VWA8: variants seen among roughly 807,000 people sequenced by gnomAD.
The protein encoded by VWA8 is von Willebrand factor A domain containing 8.
Under a neutral mutation model 241.5 loss-of-function variants are expected in VWA8, and 221 were observed. The observed-to-expected ratio is 0.91, with a 90% CI of 0.82 to 1.02. VWA8 has a LOEUF of 1.02. VWA8 is among the 50% of genes least tolerant of loss of function. The pLI is 0.00. For synonymous variants in VWA8, 852 were observed against 827.1 expected (o/e 1.03, Z -0.52); for missense variants, 2,322 against 2,328.7 (o/e 1.00, Z 0.06).
At chr13:41,737,335 C>T (rs2045533695) in intron 21 of VWA8, among the ~76,000 whole-genome samples, 1 of 152,030 alleles carries the variant, frequency 6.6e-6, no homozygotes, top group Non-Finnish European at 1.5e-5. Flanking sequence ...ATAAAGAGGA[C>T]TAAAAAGAAT....
chr13:41,929,247 C>A (rs921204469), intron 2 of VWA8, among the ~76,000 whole-genome samples: 5 of 151,560 alleles, frequency 3.3e-5, no homozygotes, highest in Non-Finnish European at 7.4e-5. Context: ...TCTCAACCTC[C>A]CAGGCTTAAG....
In VWA8 at chr13:41,830,647, CAAGAT is replaced by C; in HGVS notation, c.1587-10_1587-6del. ...AGCTCTCGATCATGGATTAACCTAA[CAAGAT>C]AAGAAAAAAGCCCGAAAATAAATTA... On this transcript the variant is annotated splice_polypyrimidine_tract_variant and splice_region_variant and intron_variant, in intron 13 of 44. Transcript: ENST00000379310. 6.2e-7 allele frequency: 1 copy of C among 1,608,456 alleles called. No individual in the cohort carries two copies. The highest frequency in any genetic ancestry group is 8.5e-7 in the Non-Finnish European group (1 of 1,177,756).
chr13:41,876,884 T>TTC (rs1873924134), intron 9 of VWA8, among the ~76,000 whole-genome samples: 1 of 151,966 alleles, frequency 6.6e-6, no homozygotes, highest in African/African-American at 2.4e-5. Context: ...AATATGAAGG[T>TTC]TCTTTCCCTA....
chr13:41,861,305 AT>A (rs1291231257), intron 12 of VWA8, among the ~76,000 whole-genome samples: 3 of 152,326 alleles, frequency 2.0e-5, no homozygotes, highest in East Asian at 3.9e-4. Flanking sequence ...AATTAAAAAA[AT>A]AAAAGCTCAA....
chr13:41,790,147 G>T lies in VWA8; in HGVS notation c.2064-2604C>A, dbSNP rs1869389687. Reference sequence around the variant, plus strand: ...GAATGAACAGAAAAGCCTAAAGAAGGTCTCAATTTTTTAAATTATAACACC... The same window carrying T: ...GAATGAACAGAAAAGCCTAAAGAAGTTCTCAATTTTTTAAATTATAACACC... On this transcript the variant is annotated intron_variant, in intron 17 of 44. Transcript: ENST00000379310. Among the ~76,000 whole-genome samples, 3 of 152,028 alleles carry T rather than the reference G, an allele frequency of 2.0e-5. No individual in the cohort carries two copies. The South Asian group carries it at 6.2e-4, about 32-fold the overall frequency.
At position 41,926,415 on chromosome 13, in the gene VWA8, C is replaced by T. The variant is rs891297081; in HGVS notation, c.242-14247G>A. The T allele has an allele frequency of 5.0e-5, 27 of 535,036 alleles. 1 individual carries two copies. Among genetic ancestry groups the T allele is most frequent in the South Asian group, 3.0e-4 (20 of 65,644 alleles). The allele number at this position is 535,036 out of a possible 1,614,324, so 33.1% of individuals were successfully genotyped here. On this transcript the variant is annotated intron_variant, in intron 2 of 44. Coordinates refer to ENST00000379310, the MANE Select transcript of VWA8 (RefSeq NM_015058.2). ...TGAAACTCCCATGGTGAACATCATC[C>T]CGGGGGAGCTGTGGCCAAGCTTTTC...
chr13:41,617,944 G>T (rs961603690), intron 37 of VWA8, among the ~76,000 whole-genome samples: 12 of 152,016 alleles, frequency 7.9e-5, no homozygotes, highest in Non-Finnish European at 1.3e-4. Context: ...ACATACGTGT[G>T]CATGTGTCTT....
chr13:41,699,792 G>C (rs1485948777), intron 28 of VWA8, among the ~76,000 whole-genome samples: 2 of 152,074 alleles, frequency 1.3e-5, no homozygotes. Context: ...TCATATTTGA[G>C]TATTTCTTAC....
intron 9 of VWA8, among the ~76,000 whole-genome samples, chr13:41,868,941 C>A (rs9532942): frequency 6.9e-5 from 10 of 143,954 alleles, no homozygotes; most frequent in South Asian, 2.1e-4. Context: ...AAAAAGTTAA[C>A]GAAAATTTTT....
At chr13:41,764,065 C>A (rs556141162) in intron 20 of VWA8, among the ~76,000 whole-genome samples, 2 of 152,152 alleles carry the variant, frequency 1.3e-5, no homozygotes, top group African/African-American at 2.4e-5. Context: ...TATTCTTAAC[C>A]GTCAACTGAA....
intron 13 of VWA8, among the ~76,000 whole-genome samples, chr13:41,831,741 T>C (rs1370923326): frequency 2.0e-5 from 3 of 148,728 alleles, no homozygotes; most frequent in African/African-American, 7.5e-5. Flanking sequence ...TGCCTTAGCC[T>C]CCTGAGTAGC....
At chr13:41,793,274 TAAG>T (rs1340320346) in intron 17 of VWA8, among the ~76,000 whole-genome samples, 1 of 152,274 alleles carries the variant, frequency 6.6e-6, no homozygotes, top group South Asian at 2.1e-4. Context: ...CCTCAACTAA[TAAG>T]AAGATGAATT....
chr13:41,784,729 T>TATATATATATATATATACAC (rs772522331), intron 18 of VWA8, among the ~76,000 whole-genome samples: 9 of 60,094 alleles, frequency 1.5e-4, no homozygotes, highest in African/African-American at 3.3e-4. Flanking sequence ...TATATATATA[T>TATATATATATATATATACAC]ACACACACAT....
intron 4 of VWA8, among the ~76,000 whole-genome samples, chr13:41,903,487 A>G (rs767281560): frequency 1.3e-5 from 2 of 152,184 alleles, no homozygotes; most frequent in Non-Finnish European, 2.9e-5. Context: ...AGATAATATC[A>G]TGTACGATGA....
chr13:41,730,769 C>T (rs2045476394), intron 22 of VWA8, among the ~76,000 whole-genome samples: 1 of 151,826 alleles, frequency 6.6e-6, no homozygotes, highest in Non-Finnish European at 1.5e-5. Context: ...GTAAAGTGGA[C>T]CATATCCTAA....
intron 19 of VWA8, among the ~76,000 whole-genome samples, chr13:41,778,344 T>C (rs985074739): frequency 6.6e-6 from 1 of 152,198 alleles, no homozygotes; most frequent in African/African-American, 2.4e-5. Context: ...TATTATACTA[T>C]GTAGAGTTGG....
intron 12 of VWA8, among the ~76,000 whole-genome samples, chr13:41,846,369 T>A (rs1429919960): frequency 6.6e-6 from 1 of 152,132 alleles, no homozygotes; most frequent in Non-Finnish European, 1.5e-5. Context: ...GGGTAACACA[T>A]GTGAAAGGAT....
chr13:41,707,246 T>C (rs962581339), intron 26 of VWA8, among the ~76,000 whole-genome samples: 2 of 152,222 alleles, frequency 1.3e-5, no homozygotes, highest in African/African-American at 4.8e-5. Flanking sequence ...TTGTCTAAGA[T>C]TGCTTCCATA....
intron 35 of VWA8, among the ~76,000 whole-genome samples, chr13:41,675,577 A>T (rs1374261842): frequency 2.1e-5 from 3 of 142,616 alleles, no homozygotes; most frequent in African/African-American, 9.2e-5. Flanking sequence ...CAGTTTTTTT[A>T]AAAAATATTT....
Sources: allele counts gnomAD v4.1 joint callset (sites outside exome capture counted in the v4.1 genomes callset), GRCh38; gene constraint gnomAD v4.1.1; transcripts MANE v1.5; gene names NCBI Gene and HGNC (gene_info 2026-07-23, HGNC 2026-07-21).